Variants in NBPF12 observed in about 807,000 individuals in gnomAD.
NBPF12 encodes the protein NBPF member 12.
In NBPF12, 115 loss-of-function variants were observed where a neutral mutation model predicts 146.4. The ratio of observed to expected loss-of-function variants is 0.79; its 90% CI spans 0.68 to 0.92. The LOEUF (loss-of-function observed/expected upper bound fraction) is 0.92, where lower values mean the gene tolerates loss of function less well. Ranked by LOEUF, NBPF12 falls within the 40% of genes least tolerant of loss-of-function variation. The probability of loss-of-function intolerance (pLI) is 0.00; values close to 1 mark genes in which losing one functional copy is unlikely to be tolerated. For synonymous variants in NBPF12, 385 were observed against 508.9 expected, an observed-to-expected ratio of 0.76 and a Z score of 3.28; for missense variants, 1,205 against 1,326.8, an observed-to-expected ratio of 0.91 and a Z score of 1.43.
intron 13 of NBPF12, 65 bp downstream of exon 16, chr1:146,971,459 A>G (rs1398160543): frequency 2.3e-6 from 3 of 1,304,196 alleles, no homozygotes; most frequent in Middle Eastern, 2.3e-4. Context: ...TTCTGAGGAC[A>G]GGCTGTATAT....
At chr1:146,994,468 G>C (rs782508697) in exon 34 of NBPF12, 2 of 1,610,888 alleles carry the variant, frequency 1.2e-6, no homozygotes, top group South Asian at 2.2e-5. Context: ...TTACTCATTT[G>C]AGGAACAGCA....
chr1:146,954,969 AATATATAT>A lies in NBPF12; in HGVS notation c.-184+3518_-184+3525del, dbSNP rs1171967177. 7.4e-3 allele frequency among the ~76,000 whole-genome samples: 393 copies of A among 53,444 alleles called. 11 individuals carry two copies. Among genetic ancestry groups the A allele is most frequent in the African/African-American group, 0.02 (288 of 14,490 alleles). 35.1% of individuals were successfully genotyped at this position (53,444 alleles called of 152,430 possible). A position where few individuals can be genotyped will look rare whatever the true frequency, so the allele number is the denominator to read the frequency against. ...TGAAGATTATCATCTCCAAATAGGG[AATATATAT>A]ATATATATATATATATATATATATA... On this transcript the variant is annotated intron_variant, in intron 2 of 33. Transcript: ENST00000617844.
intron 31 of NBPF12, among the ~76,000 whole-genome samples, chr1:146,992,404 G>T (rs1310090523): frequency 7.3e-6 from 1 of 137,360 alleles, no homozygotes; most frequent in African/African-American, 2.9e-5. Flanking sequence ...TCCCTCATCA[G>T]TGTGTCACCT....
chr1:146,940,053 T>C (rs1654726108), intron 1 of NBPF12, among the ~76,000 whole-genome samples: 1 of 152,082 alleles, frequency 6.6e-6, no homozygotes, highest in Non-Finnish European at 1.5e-5. Flanking sequence ...CATCCTTTCT[T>C]TGCCGAAAGA....
chr1:146,967,170 T>C (rs1171317389), intron 9 of NBPF12, among the ~76,000 whole-genome samples: 2 of 150,412 alleles, frequency 1.3e-5, no homozygotes, highest in African/African-American at 5.0e-5. Flanking sequence ...AGTCTGCTCC[T>C]AATAGAACCT....
chr1:146,984,320 T>C (rs1473680677), intron 21 of NBPF12, 135 bp downstream of exon 24: 11 of 737,536 alleles, frequency 1.5e-5, no homozygotes, highest in South Asian at 1.5e-5. Context: ...TGCATTGTTT[T>C]TTGGTTCTCA....
At chr1:146,970,830 A>T in intron 12 of NBPF12, 111 bp downstream of exon 15, 1 of 1,079,762 alleles carries the variant, frequency 9.3e-7, no homozygotes, top group East Asian at 2.4e-5. Flanking sequence ...TCCCTTGGCC[A>T]CAGTATGTGA....
chr1:146,955,908 A>G (rs1217333879), intron 2 of NBPF12, among the ~76,000 whole-genome samples: 6 of 151,128 alleles, frequency 4.0e-5, no homozygotes, highest in African/African-American at 1.5e-4. Flanking sequence ...TCATGCTTTA[A>G]GGCCCAGGAA....
Position 146,972,839 on chromosome 1 carries a change from A to G in NBPF12, c.1680A>G (p.Leu560=), listed in dbSNP as rs1553886795. The G allele has an allele frequency of 8.6e-5, 115 of 1,334,070 alleles. 2 individuals are homozygous for G. In the African/African-American group the frequency reaches 1.5e-3, roughly 17 times the overall value. 82.6% of individuals were successfully genotyped at this position (1,334,070 alleles called of 1,614,324 possible). Reference sequence around the variant, plus strand: ...GCGAGAAGGCAGAGATGAACATTCTAGAAATCAATGAGAAGTTGCGCCCCC... The same window carrying G: ...GCGAGAAGGCAGAGATGAACATTCTGGAAATCAATGAGAAGTTGCGCCCCC... Residue 560 remains leucine (L), a synonymous_variant, in exon 14 of 34, where the codon CTA becomes CTG. Transcript: ENST00000617844.
chr1:146,949,878 CCTT>C (rs1173962916), intron 1 of NBPF12, among the ~76,000 whole-genome samples: 1 of 151,870 alleles, frequency 6.6e-6, no homozygotes, highest in Non-Finnish European at 1.5e-5. Flanking sequence ...CTTATGGAGT[CCTT>C]CTCAAGCTCC....
At chr1:146,965,941 C>G (rs1656174831) in intron 8 of NBPF12, among the ~76,000 whole-genome samples, 2 of 151,320 alleles carry the variant, frequency 1.3e-5, no homozygotes. Flanking sequence ...AACCCCATCT[C>G]TACTAAAAAT....
At chr1:146,945,049 T>C (rs1654984280), upstream of NBPF12, among the ~76,000 whole-genome samples, 1 of 126,552 alleles carries the variant, frequency 7.9e-6, no homozygotes, top group Non-Finnish European at 1.7e-5. Context: ...CCTCCCTGCC[T>C]TCCTCCCTCC....
chr1:146,965,500 T>G (rs1553885503), intron 8 of NBPF12, among the ~76,000 whole-genome samples: 1 of 150,878 alleles, frequency 6.6e-6, no homozygotes, highest in Non-Finnish European at 1.5e-5. Context: ...TAATAAGTCT[T>G]GGCTGGGCAC....
chr1:146,941,053 T>C (rs1229672658), intron 1 of NBPF12, among the ~76,000 whole-genome samples: 2 of 152,190 alleles, frequency 1.3e-5, no homozygotes, highest in Admixed American at 6.5e-5. Context: ...TTTCACTCTT[T>C]TAATGATGTT....
chr1:146,961,832 G>A (rs1443987958), intron 4 of NBPF12, among the ~76,000 whole-genome samples: 1 of 152,012 alleles, frequency 6.6e-6, no homozygotes, highest in Non-Finnish European at 1.5e-5. Flanking sequence ...GTGTTTTAGA[G>A]GAGAGGCTGC....
intron 19 of NBPF12, among the ~76,000 whole-genome samples, chr1:146,980,137 C>A (rs1415658494): frequency 1.1e-4 from 16 of 151,856 alleles, no homozygotes; most frequent in African/African-American, 1.9e-4. Context: ...GGATTGCAAC[C>A]CCTGCATTTT....
rs1656755808 is a variant in NBPF12 at position 146,973,021 on chromosome 1, A to G, written c.1801+61A>G. Reference sequence around the variant, plus strand: ...AACGAAGTCCTGTCTTCTCTCTGAGAAACTAAGTGCTCTCTCCATCAAAAA... The same window carrying G: ...AACGAAGTCCTGTCTTCTCTCTGAGGAACTAAGTGCTCTCTCCATCAAAAA... On this transcript the variant is annotated intron_variant, in intron 14 of 33. Transcript: ENST00000617844. The G allele has an allele frequency of 6.2e-6, 5 of 806,046 alleles. No individual in the cohort carries two copies. The East Asian group carries it at 9.7e-5, about 16-fold the overall frequency. The allele number at this position is 806,046 out of a possible 1,614,324, so 49.9% of individuals were successfully genotyped here.
At chr1:146,955,135 G>A (rs1488360989) in intron 2 of NBPF12, among the ~76,000 whole-genome samples, 3 of 90,240 alleles carry the variant, frequency 3.3e-5, no homozygotes, top group Non-Finnish European at 6.6e-5. Context: ...AATTAGCATA[G>A]GAAAAGATGC....
At chr1:146,964,627 T>C (rs1656074850) in intron 7 of NBPF12, among the ~76,000 whole-genome samples, 198 bp downstream of exon 10, 1 of 151,944 alleles carries the variant, frequency 6.6e-6, no homozygotes, top group African/African-American at 2.4e-5. Flanking sequence ...GTCTGTACCA[T>C]ACAGGGATAG....
Sources: gnomAD v4.1 joint callset for allele counts (sites outside exome capture counted in the v4.1 genomes callset) on GRCh38, gnomAD v4.1.1 for gene constraint, MANE v1.5 for transcripts, NCBI Gene and HGNC (gene_info 2026-07-23, HGNC 2026-07-21) for gene names.